The following APBB2 variants were observed in gnomAD, a reference collection of about 807,000 sequenced individuals.
APBB2 encodes amyloid beta precursor protein binding family B member 2.
APBB2 carries 38 observed loss-of-function variants against 82.5 expected under a neutral mutation model. That is an observed-to-expected ratio of 0.46 (90% CI 0.36 to 0.60). The LOEUF (loss-of-function observed/expected upper bound fraction) is 0.60, where lower values mean the gene tolerates loss of function less well. Ranked by LOEUF, APBB2 falls within the 20% of genes least tolerant of loss-of-function variation. APBB2 has a pLI of 0.00. For synonymous variants in APBB2, 341 were observed against 368.2 expected (o/e 0.93, Z 0.85); for missense variants, 772 against 972.3 (o/e 0.79, Z 2.74).
chr4:40,998,900 G>A lies in APBB2; in HGVS notation c.835+14683C>T, dbSNP rs142517778. ...GGATGGGTGTGCAGGACAAAGCAATGACTCACATCCTGGGCGGGATGAAGC... is the reference window on the plus strand; with the variant it reads ...GGATGGGTGTGCAGGACAAAGCAATAACTCACATCCTGGGCGGGATGAAGC... On this transcript the variant is annotated intron_variant, in intron 6 of 17. Transcript: ENST00000508593. Among the ~76,000 whole-genome samples, 267 of 152,224 alleles carry A rather than the reference G, an allele frequency of 1.8e-3. 1 individual carries two copies. The highest frequency in any genetic ancestry group is 6.2e-3 in the African/African-American group (259 of 41,550).
intron 7 of APBB2, among the ~76,000 whole-genome samples, chr4:40,936,004 G>A (rs1785290727): frequency 6.6e-6 from 1 of 152,170 alleles, no homozygotes; most frequent in Non-Finnish European, 1.5e-5. Flanking sequence ...AAATAAGCAA[G>A]CAAGGCTAAT....
chr4:40,880,141 C>T, intron 12 of APBB2: 1 of 985,440 alleles, frequency 1.0e-6, no homozygotes, highest in South Asian at 4.7e-5. Flanking sequence ...CAGTGGCACA[C>T]AGAGCGCCCC....
chr4:40,837,504 C>G (rs2154308783), intron 12 of APBB2, among the ~76,000 whole-genome samples: 1 of 152,324 alleles, frequency 6.6e-6, no homozygotes, highest in Admixed American at 6.5e-5. Flanking sequence ...CTCCAAGGGC[C>G]AGAAAGAACA....
intron 4 of APBB2, among the ~76,000 whole-genome samples, chr4:41,038,880 T>C (rs991573340): frequency 6.6e-6 from 1 of 152,188 alleles, no homozygotes. Context: ...AATAAACAGG[T>C]ATCAGATGCT....
chr4:41,207,416 T>G, intron 1 of APBB2, among the ~76,000 whole-genome samples: 1 of 152,146 alleles, frequency 6.6e-6, no homozygotes, highest in Admixed American at 6.5e-5. Context: ...TTCTAGGTTC[T>G]ATGGCTTTCA....
intron 2 of APBB2, among the ~76,000 whole-genome samples, chr4:41,125,440 G>A (rs1379783881): frequency 2.6e-5 from 4 of 152,146 alleles, no homozygotes; most frequent in Non-Finnish European, 1.5e-5. Flanking sequence ...ATATCCTGAG[G>A]TTGGGTGTCC....
chr4:40,960,452 T>TTTTTTTTTTTTTTTTTTTTTG lies in APBB2; in HGVS notation c.836-15380_836-15379insCAAAAAAAAAAAAAAAAAAAA. ...AAACAGAAATTTTTTTTCGGGTTTT[T>TTTTTTTTTTTTTTTTTTTTTG]TTTTTTTTTTTTTGAGACGGGGTCT... On this transcript the variant is annotated intron_variant, in intron 6 of 17. Transcript: ENST00000508593. Among the ~76,000 whole-genome samples, 2 of 145,736 alleles carry TTTTTTTTTTTTTTTTTTTTTG rather than the reference T, an allele frequency of 1.4e-5. 1 individual carries two copies. The highest frequency in any genetic ancestry group is 3.0e-5 in the Non-Finnish European group (2 of 66,066).
chr4:41,204,804 T>TA (rs1777543399), intron 1 of APBB2, among the ~76,000 whole-genome samples: 1 of 152,168 alleles, frequency 6.6e-6, no homozygotes, highest in Non-Finnish European at 1.5e-5. Context: ...AGGGGAGAGA[T>TA]GACTGTGTCA....
chr4:40,895,579 A>G (rs144958257), intron 10 of APBB2, among the ~76,000 whole-genome samples: 36 of 152,296 alleles, frequency 2.4e-4, no homozygotes, highest in African/African-American at 6.7e-4. Flanking sequence ...TGGATATTCC[A>G]CAGAAGCACT....
chr4:41,159,910 G>GAGGAGGAGA (rs1553969512), intron 1 of APBB2, among the ~76,000 whole-genome samples: 75 of 13,590 alleles, frequency 5.5e-3, no homozygotes, highest in Admixed American at 0.013. Context: ...GAAGGAGAAG[G>GAGGAGGAGA]AGGAGGAGGA....
At chr4:40,955,191 T>C (rs1791272828) in intron 6 of APBB2, among the ~76,000 whole-genome samples, 1 of 151,728 alleles carries the variant, frequency 6.6e-6, no homozygotes, top group Non-Finnish European at 1.5e-5. Context: ...TCTAAGGGAG[T>C]GAGGTCTCCC....
At position 41,083,754 on chromosome 4, in the gene APBB2, G is replaced by T. The variant is rs976135924; in HGVS notation, c.-149+16885C>A. On this transcript the variant is annotated intron_variant, in intron 3 of 17. Coordinates refer to ENST00000508593, the MANE Select transcript of APBB2 (RefSeq NM_004307.2). ...TATAGGTCCTGTTGTAAAGGTAGAA[G>T]TTTCACAGTAAGTTTCTAACAGTAA... is the stretch of plus-strand genomic sequence containing the variant. Among the ~76,000 whole-genome samples the T allele has an allele frequency of 6.3e-5, 9 of 142,782 alleles. No homozygotes were observed. In the South Asian group the frequency reaches 9.2e-4, roughly 15 times the overall value. 93.7% of individuals were successfully genotyped at this position (142,782 alleles called of 152,430 possible). A position where few individuals can be genotyped will look rare whatever the true frequency, so the allele number is the denominator to read the frequency against.
At chr4:40,981,990 G>C (rs1798593764) in intron 6 of APBB2, among the ~76,000 whole-genome samples, 1 of 151,576 alleles carries the variant, frequency 6.6e-6, no homozygotes. Context: ...TTCGAGACCA[G>C]CCTGGCCAAC....
At chr4:40,967,130 G>C (rs1421451709) in intron 6 of APBB2, among the ~76,000 whole-genome samples, 1 of 152,114 alleles carries the variant, frequency 6.6e-6, no homozygotes, top group Non-Finnish European at 1.5e-5. Flanking sequence ...TTTCCTCTCT[G>C]CTGAGAGCTG....
At chr4:40,886,577 A>G (rs1336022781) in intron 12 of APBB2, among the ~76,000 whole-genome samples, 2 of 152,092 alleles carry the variant, frequency 1.3e-5, no homozygotes, top group Admixed American at 6.5e-5. Flanking sequence ...GTCTGAGTGA[A>G]TAAGAAGAAC....
intron 12 of APBB2, chr4:40,881,032 G>T: frequency 1.0e-6 from 1 of 985,402 alleles, no homozygotes; most frequent in East Asian, 1.1e-4. Flanking sequence ...TTCCTTAAAG[G>T]TTATTCTGTG....
chr4:41,114,707 G>A (rs62413793), intron 2 of APBB2, among the ~76,000 whole-genome samples: 2,686 of 152,172 alleles, frequency 0.018, 26 homozygotes, highest in African/African-American at 0.026. Context: ...AATCATAAGT[G>A]AACTCCCATT....
chr4:41,035,771 G>A (rs1170155894), intron 4 of APBB2, among the ~76,000 whole-genome samples: 1 of 152,188 alleles, frequency 6.6e-6, no homozygotes, highest in Non-Finnish European at 1.5e-5. Context: ...AATATGTACA[G>A]ACTTTTTTTT....
In APBB2 at chr4:41,127,359, A is replaced by ATTT. The variant is rs1754692321; in HGVS notation, c.-261+15627_-261+15628insAAA. Reference sequence around the variant, plus strand: ...AACACAAGGAAAAAAAAATCAAAGCATTCACTTGATATTCCACATCAATAG... The same window carrying ATTT: ...AACACAAGGAAAAAAAAATCAAAGCATTTTTCACTTGATATTCCACATCAATAG... On this transcript the variant is annotated intron_variant, in intron 2 of 17. Coordinates refer to ENST00000508593, the MANE Select transcript of APBB2 (RefSeq NM_004307.2). This position sits in a 1 kb window ranked among gnomAD's most constrained non-coding sequence, Gnocchi z 4.8. 6.6e-6 allele frequency among the ~76,000 whole-genome samples: 1 copy of ATTT among 152,248 alleles called. No homozygotes were observed. The highest frequency in any genetic ancestry group is 2.4e-5 in the African/African-American group (1 of 41,474).
Sources: gnomAD v4.1 joint callset for allele counts (sites outside exome capture counted in the v4.1 genomes callset) on GRCh38, gnomAD v4.1.1 for gene constraint, Gnocchi (gnomAD v3.1) non-coding constraint, MANE v1.5 for transcripts, NCBI Gene and HGNC (gene_info 2026-07-23, HGNC 2026-07-21) for gene names.